KIF13A: variants seen among roughly 807,000 people sequenced by gnomAD.
KIF13A encodes kinesin family member 13A, also known as kinesin-like protein KIF13A.
Under a neutral mutation model 212.2 loss-of-function variants are expected in KIF13A, and 79 were observed. That is an observed-to-expected ratio of 0.37 (90% CI 0.31 to 0.45). The LOEUF is 0.45. Ranked by LOEUF, KIF13A falls within the 20% of genes least tolerant of loss-of-function variation. The probability of loss-of-function intolerance (pLI) is 1.00; values close to 1 mark genes in which losing one functional copy is unlikely to be tolerated. For synonymous variants in KIF13A, 789 were observed against 808.6 expected (o/e 0.98, Z 0.41); for missense variants, 1,901 against 2,209.0 (o/e 0.86, Z 2.79).
rs909103387 is a variant in KIF13A at position 17,897,323 on chromosome 6, C to T, written c.159+845G>A. 1.3e-5 allele frequency among the ~76,000 whole-genome samples: 2 copies of T among 152,186 alleles called. No individual in the cohort carries two copies. The highest frequency in any genetic ancestry group is 4.8e-5 in the African/African-American group (2 of 41,452). On this transcript the variant is annotated intron_variant, in intron 3 of 38. Coordinates refer to ENST00000259711, the MANE Select transcript of KIF13A (RefSeq NM_022113.6). The surrounding 1 kb of genome is among the most constrained non-coding windows in gnomAD (Gnocchi z 4.8). ...ATAATTTGTGTAGGTAAAGCCTGTT[C>T]TAATCCTATCTCAAGAACCACAGCT...
In KIF13A at chr6:17,769,812, G is replaced by A. The variant is rs1759330323; in HGVS notation, c.4581+1302C>T. 6.6e-6 allele frequency among the ~76,000 whole-genome samples: 1 copy of A among 152,120 alleles called. No homozygotes were observed. Among genetic ancestry groups the A allele is most frequent in the African/African-American group, 2.4e-5 (1 of 41,420 alleles). Reference sequence around the variant, plus strand: ...CTGCAGCCCTTATTAATTGAGCAGAGGGTGGTCAGGTAAGTGAGAGAACAG... The same window carrying A: ...CTGCAGCCCTTATTAATTGAGCAGAAGGTGGTCAGGTAAGTGAGAGAACAG... On this transcript the variant is annotated intron_variant, in intron 38 of 38. Coordinates refer to ENST00000259711, the MANE Select transcript of KIF13A (RefSeq NM_022113.6). The surrounding 1 kb of genome is among the most constrained non-coding windows in gnomAD (Gnocchi z 5.8).
intron 2 of KIF13A, among the ~76,000 whole-genome samples, chr6:17,903,417 T>C (rs1388124666): frequency 6.6e-6 from 1 of 152,208 alleles, no homozygotes; most frequent in East Asian, 1.9e-4. Context: ...GATTTCCATA[T>C]TGCAACAAAT....
Position 17,833,967 on chromosome 6 carries a change from T to A in KIF13A, c.1260A>T (p.Ile420=), listed in dbSNP as rs4716189. 7.8e-6 allele frequency: 12 copies of A among 1,539,730 alleles called. No homozygotes were observed. The highest frequency in any genetic ancestry group is 3.6e-5 in the South Asian group (3 of 83,282). The change falls in exon 12 of 39, where the codon ATA becomes ATT. Residue 420 remains isoleucine (I), a synonymous_variant. Coordinates refer to ENST00000259711, the MANE Select transcript of KIF13A (RefSeq NM_022113.6). ...WEEKLRKTEE[I]AQERQRQLES... ...GGCTAAATTATCAAGCTACCTGTGC[T>A]ATCTCTTCTGTTTTTCTCAGCTTCT...
At chr6:17,974,503 C>CA (rs1780104902) in intron 2 of KIF13A, among the ~76,000 whole-genome samples, 1 of 152,194 alleles carries the variant, frequency 6.6e-6, no homozygotes, top group South Asian at 2.1e-4. Flanking sequence ...GCTATACCCC[C>CA]AGACACTGTG....
intron 9 of KIF13A, among the ~76,000 whole-genome samples, chr6:17,841,200 G>A (rs1461043893): frequency 6.6e-6 from 1 of 151,214 alleles, no homozygotes; most frequent in African/African-American, 2.4e-5. Flanking sequence ...ATTCTCCTGA[G>A]TAGCTGGAAC....
intron 2 of KIF13A, among the ~76,000 whole-genome samples, chr6:17,908,303 T>A (rs1178677866): frequency 1.3e-5 from 2 of 152,136 alleles, no homozygotes; most frequent in East Asian, 3.8e-4. Context: ...GTTGACAGAT[T>A]TAAAAATTAA....
Position 17,987,064 on chromosome 6 carries a change from G to A in KIF13A, c.136C>T (p.Gln46Ter). ...CGGAACCCGCTTTACCTTTCTCCCT[G>A]TTTGGTGTTAGAAGGAGGAGGGTGC... Reference protein sequence around the residue: ...VLHPPPSNTKQGERKPPKVFA... With the variant: ...VLHPPPSNTK The change falls in exon 2 of 39, where the codon CAG (glutamine) becomes TAG (stop). Residue 46 changes from glutamine to a stop codon, truncating the protein, a stop_gained. Coordinates refer to ENST00000259711, the MANE Select transcript of KIF13A (RefSeq NM_022113.6). LOFTEE classifies it high-confidence loss of function. The surrounding 1 kb of genome is among the most constrained non-coding windows in gnomAD (Gnocchi z 7.7). 6.2e-7 allele frequency: 1 copy of A among 1,612,986 alleles called. No homozygotes were observed. The highest frequency in any genetic ancestry group is 8.5e-7 in the Non-Finnish European group (1 of 1,178,982).
At chr6:17,770,361 A>ATTTTTTTGTTT (rs1759381483) in intron 38 of KIF13A, 1 of 119,446 alleles carries the variant, frequency 8.4e-6, no homozygotes, top group Non-Finnish European at 1.7e-5. Flanking sequence ...AATAAACAGG[A>ATTTTTTTGTTT]TTTTTTTTTT....
chr6:17,848,728 G>T (rs1199275555), intron 9 of KIF13A, among the ~76,000 whole-genome samples: 1 of 151,770 alleles, frequency 6.6e-6, no homozygotes, highest in Non-Finnish European at 1.5e-5. Context: ...ACCATGCCCA[G>T]CTAATTTTTG....
intron 4 of KIF13A, among the ~76,000 whole-genome samples, chr6:17,859,638 A>ATATATTTTTTTTTTTTTTTTTT (rs1461455926): frequency 2.7e-5 from 3 of 111,858 alleles, no homozygotes; most frequent in Admixed American, 9.2e-5. Context: ...ATATATATAT[A>ATATATTTTTTTTTTTTTTTTTT]TTTTTTTTTT....
Position 17,763,768 on chromosome 6 carries a change from A to AGT in KIF13A, c.*341_*342insAC. The AGT allele has an allele frequency of 1.1e-6, 1 of 931,646 alleles. No homozygotes were observed. The highest frequency in any genetic ancestry group is 1.3e-6 in the Non-Finnish European group (1 of 752,624). The allele number at this position is 931,646 out of a possible 1,614,324, so 57.7% of individuals were successfully genotyped here. A position where few individuals can be genotyped will look rare whatever the true frequency, so the allele number is the denominator to read the frequency against. On this transcript the variant is annotated 3_prime_UTR_variant, in exon 39 of 39. Coordinates refer to ENST00000259711, the MANE Select transcript of KIF13A (RefSeq NM_022113.6). ...AAATAATGGTTCATATAATAATCAA[A>AGT]GGAATCACAGATTTGATGAAATATG...
chr6:17,880,448 G>A (rs1257583620), intron 3 of KIF13A, among the ~76,000 whole-genome samples: 2 of 151,834 alleles, frequency 1.3e-5, no homozygotes, highest in African/African-American at 2.4e-5. Context: ...CCAACATGGT[G>A]AAACCCCATC....
At chr6:17,865,353 A>G (rs1173175187) in intron 4 of KIF13A, among the ~76,000 whole-genome samples, 2 of 151,498 alleles carry the variant, frequency 1.3e-5, no homozygotes, top group African/African-American at 4.9e-5. Context: ...GGCTGGGCTC[A>G]CTATTTATGA....
At position 17,922,367 on chromosome 6, in the gene KIF13A, A is replaced by C. The variant is rs913211679; in HGVS notation, c.147-24187T>G. On this transcript the variant is annotated intron_variant, in intron 2 of 38. Coordinates refer to ENST00000259711, the MANE Select transcript of KIF13A (RefSeq NM_022113.6). Reference sequence around the variant, plus strand: ...GTTGTTTTCCAAACACCAGTGAAGAAACAAACCTGGAGGATGGAAAAATAA... The same window carrying C: ...GTTGTTTTCCAAACACCAGTGAAGACACAAACCTGGAGGATGGAAAAATAA... Among the ~76,000 whole-genome samples, 52 of 152,240 alleles carry C rather than the reference A, an allele frequency of 3.4e-4. 2 individuals are homozygous for C. Among genetic ancestry groups the C allele is most frequent in the African/African-American group, 1.2e-3 (48 of 41,450 alleles).
intron 22 of KIF13A, among the ~76,000 whole-genome samples, chr6:17,797,515 G>T (rs1053152957): frequency 2.0e-5 from 3 of 152,172 alleles, no homozygotes; most frequent in African/African-American, 7.2e-5. Context: ...TGGCTTAGGA[G>T]AATAATAACA....
intron 2 of KIF13A, among the ~76,000 whole-genome samples, chr6:17,954,328 A>T (rs918258516): frequency 2.0e-5 from 3 of 150,846 alleles, no homozygotes; most frequent in Non-Finnish European, 3.0e-5. Context: ...AAAAAATCAG[A>T]TCAGCATTTT....
At position 17,777,606 on chromosome 6, in the gene KIF13A, A is replaced by T. The variant is rs1581885146; in HGVS notation, c.4093-252T>A. ...ACCATGTTGCCCAGGTTGGTCTTGA[A>T]CTCCTGAGCTCAGGCAATCTGCCCA... On this transcript the variant is annotated intron_variant, in intron 33 of 38. Transcript: ENST00000259711. This position sits in a 1 kb window ranked among gnomAD's most constrained non-coding sequence, Gnocchi z 4.4. Among the ~76,000 whole-genome samples the T allele has an allele frequency of 6.6e-6, 1 of 150,448 alleles. No individual in the cohort carries two copies. Among genetic ancestry groups the T allele is most frequent in the Admixed American group, 6.6e-5 (1 of 15,104 alleles).
Position 17,833,967 on chromosome 6 carries a change from T to C in KIF13A, c.1260A>G (p.Ile420Met). Residue 420 changes from isoleucine (I) to methionine (M), a missense_variant, in exon 12 of 39, where the codon ATA becomes ATG. By Grantham distance (10) the Ile-to-Met change is conservative. This residue lies in a region of KIF13A where 506 missense variants were observed against 637.4 expected (regional missense o/e 0.79). Coordinates refer to ENST00000259711, the MANE Select transcript of KIF13A (RefSeq NM_022113.6). ...GGCTAAATTATCAAGCTACCTGTGC[T>C]ATCTCTTCTGTTTTTCTCAGCTTCT... ...WEEKLRKTEE[I>M]AQERQRQLES... 1 of 1,539,730 alleles carries C rather than the reference T, an allele frequency of 6.5e-7. No homozygotes were observed. Among genetic ancestry groups the C allele is most frequent in the South Asian group, 1.2e-5 (1 of 83,282 alleles).
rs1213345839 is a variant in KIF13A, at chr6:17,834,012, T to C, written c.1215A>G (p.Glu405=). 6.2e-7 allele frequency: 1 copy of C among 1,604,916 alleles called. No individual in the cohort carries two copies. The highest frequency in any genetic ancestry group is 8.5e-7 in the Non-Finnish European group (1 of 1,178,098). The change falls in exon 12 of 39, where the codon GAA becomes GAG. Residue 405 remains glutamate (E), a synonymous_variant. Coordinates refer to ENST00000259711, the MANE Select transcript of KIF13A (RefSeq NM_022113.6). The surrounding 1 kb of genome is among the most constrained non-coding windows in gnomAD (Gnocchi z 4.0). ...KLEESEKLIK[E]LTVTWEEKLR... ...GCTTCTCTTCCCAAGTCACTGTTAG[T>C]TCTTTTATCAGCTTTTCAGACTCTT...
Sources: allele counts gnomAD v4.1 joint callset (sites outside exome capture counted in the v4.1 genomes callset), GRCh38; gene constraint gnomAD v4.1.1; regional missense constraint gnomAD v4.1.1; non-coding constraint Gnocchi (gnomAD v3.1); transcripts MANE v1.5; gene names NCBI Gene and HGNC (gene_info 2026-07-23, HGNC 2026-07-21).